Variants in PCLO observed in about 807,000 individuals in gnomAD.
PCLO encodes the protein piccolo presynaptic cytomatrix protein.
Under a neutral mutation model 427.5 loss-of-function variants are expected in PCLO, and 82 were observed. The ratio of observed to expected loss-of-function variants is 0.19; its 90% confidence interval spans 0.16 to 0.23. The LOEUF (loss-of-function observed/expected upper bound fraction) is 0.23. Among genes scored for constraint, PCLO ranks in the 10% least tolerant of loss-of-function variants. The probability of loss-of-function intolerance (pLI) is 1.00; values close to 1 mark genes in which losing one functional copy is unlikely to be tolerated. For missense variants in PCLO, 6,239 were observed against 6,115.9 expected (o/e 1.02, Z -0.67); for synonymous variants, 2,357 against 2,155.4 (o/e 1.09, Z -2.59).
At chr7:83,093,492 A>ATATATATATATATT in intron 3 of PCLO, among the ~76,000 whole-genome samples, 1 of 59,342 alleles carries the variant, frequency 1.7e-5, no homozygotes, top group Admixed American at 2.9e-4. Context: ...ATATATATAT[A>ATATATATATATATT]TTTTTTTTTT....
intron 22 of PCLO, among the ~76,000 whole-genome samples, chr7:82,794,459 CTTTTTTTTTTTTTTTT>C (rs778108792): frequency 8.9e-5 from 5 of 56,370 alleles, no homozygotes; most frequent in African/African-American, 1.8e-4. Flanking sequence ...AATTTTTTTT[CTTTTTTTTTTTTTTTT>C]TTTTTTTTTT....
chr7:83,094,704 G>A (rs1168383336), intron 3 of PCLO, among the ~76,000 whole-genome samples: 1 of 152,130 alleles, frequency 6.6e-6, no homozygotes, highest in East Asian at 1.9e-4. Context: ...AATGTTTGTG[G>A]ACAAGTGGTT....
intron 3 of PCLO, among the ~76,000 whole-genome samples, chr7:83,073,078 G>A (rs1789859831): frequency 6.6e-6 from 1 of 151,752 alleles, no homozygotes; most frequent in East Asian, 1.9e-4. Flanking sequence ...TTGGACAATT[G>A]TTAAGGTTCC....
chr7:83,000,059 A>G (rs1787778559), intron 3 of PCLO, among the ~76,000 whole-genome samples: 1 of 149,680 alleles, frequency 6.7e-6, no homozygotes, highest in South Asian at 2.1e-4. Context: ...AAACAAACAA[A>G]AAAAAAACCA....
chr7:83,097,032 AT>A (rs1562962524), intron 3 of PCLO, among the ~76,000 whole-genome samples: 5 of 26,940 alleles, frequency 1.9e-4, no homozygotes, highest in Admixed American at 9.0e-4. Flanking sequence ...TTATATAAAT[AT>A]ATATTATATA....
intron 3 of PCLO, among the ~76,000 whole-genome samples, chr7:83,022,562 C>T (rs1381324134): frequency 1.3e-5 from 2 of 151,946 alleles, no homozygotes; most frequent in East Asian, 1.9e-4. Flanking sequence ...CAAATCCTAG[C>T]CGAGATAAAT....
At position 82,966,082 on chromosome 7, in the gene PCLO, G is replaced by C; in HGVS notation, c.3706C>G (p.Leu1236Val). Reference sequence around the variant, plus strand: ...TCAGGGGTTGGCTTTTTTTCTTCTAGGAGTGGCTTTTTTTCTTCAGAACGT... The same window carrying C: ...TCAGGGGTTGGCTTTTTTTCTTCTACGAGTGGCTTTTTTTCTTCAGAACGT... ...KIRSEEKKPL[L>V]EEKKPTPEDK... is the part of the protein sequence containing the mutation. Residue 1236 changes from leucine to valine, a missense_variant, in exon 4 of 25, where the codon CTA (leucine) becomes GTA (valine). By Grantham distance (32) the Leu-to-Val change is conservative. Coordinates refer to ENST00000333891, the MANE Select transcript of PCLO (RefSeq NM_033026.6). 1 of 1,612,080 alleles carries C rather than the reference G, an allele frequency of 6.2e-7. No homozygotes were observed. The highest frequency in any genetic ancestry group is 2.2e-5 in the East Asian group (1 of 44,872).
chr7:82,815,463 A>C (rs932561957), intron 20 of PCLO, among the ~76,000 whole-genome samples: 4 of 152,130 alleles, frequency 2.6e-5, no homozygotes, highest in Non-Finnish European at 4.4e-5. Context: ...AGGTAGTTGT[A>C]AAAATATGTT....
intron 9 of PCLO, chr7:82,880,498 C>A (rs1793480375): frequency 7.2e-6 from 2 of 279,698 alleles, no homozygotes; most frequent in South Asian, 3.1e-5. Flanking sequence ...CCTGCCTCGG[C>A]CTCTCACAGT....
intron 3 of PCLO, among the ~76,000 whole-genome samples, chr7:83,017,610 C>T (rs1352135287): frequency 1.3e-5 from 2 of 151,780 alleles, no homozygotes; most frequent in Non-Finnish European, 1.5e-5. Context: ...TTTTAGCATC[C>T]TTTTCCTAAT....
intron 3 of PCLO, among the ~76,000 whole-genome samples, chr7:83,119,159 T>G (rs1398016382): frequency 2.0e-5 from 3 of 152,066 alleles, no homozygotes; most frequent in Non-Finnish European, 2.9e-5. Context: ...TCCTAAGCCT[T>G]GAATAAACGT....
intron 16 of PCLO, among the ~76,000 whole-genome samples, chr7:82,833,464 G>A (rs1792147602): frequency 6.6e-6 from 1 of 152,014 alleles, no homozygotes. Context: ...TATCTTGCCT[G>A]ACATTTTGCC....
Position 83,162,808 on chromosome 7 carries a change from G to C in PCLO, c.-216C>G, listed in dbSNP as rs927991042. Reference sequence around the variant, plus strand: ...CGCTGCCGGTGCCTCCTCCATGTTGGACAGCGCCAGGCAACCTTTGCAGAA... The same window carrying C: ...CGCTGCCGGTGCCTCCTCCATGTTGCACAGCGCCAGGCAACCTTTGCAGAA... On this transcript the variant is annotated 5_prime_UTR_variant, in exon 1 of 25. Coordinates refer to ENST00000333891, the MANE Select transcript of PCLO (RefSeq NM_033026.6). 6.1e-5 allele frequency: 37 copies of C among 608,002 alleles called. No homozygotes were observed. The highest frequency in any genetic ancestry group is 8.6e-5 in the Non-Finnish European group (31 of 359,426). 37.7% of individuals were successfully genotyped at this position (608,002 alleles called of 1,614,324 possible).
rs749339467 is a variant in PCLO, at chr7:82,944,390, A to G, written c.11112+5086T>C. On this transcript the variant is annotated intron_variant, in intron 6 of 24. Coordinates refer to ENST00000333891, the MANE Select transcript of PCLO (RefSeq NM_033026.6). ...TCAGGTATCTTTCTGGACACTGGGT[A>G]TACAGCAGTAAAGATATTAAACAAA... 3.9e-4 allele frequency among the ~76,000 whole-genome samples: 60 copies of G among 152,198 alleles called. 1 individual carries two copies. Among genetic ancestry groups the G allele is most frequent in the South Asian group, 1.9e-3 (9 of 4,830 alleles).
Position 82,955,168 on chromosome 7 carries a change from T to C in PCLO, c.5785A>G (p.Lys1929Glu), listed in dbSNP as rs2888020. The C allele has an allele frequency of 2.0e-5, 32 of 1,613,738 alleles. No individual in the cohort carries two copies. In the East Asian group the frequency reaches 7.1e-4, roughly 36 times the overall value. The change falls in exon 5 of 25, where the codon AAA becomes GAA. Residue 1929 changes from lysine to glutamate, a missense_variant. By Grantham distance (56) the Lys-to-Glu change is moderately conservative. Coordinates refer to ENST00000333891, the MANE Select transcript of PCLO (RefSeq NM_033026.6). ...EEMMHKTHKYKAFPAANERDE... is the reference protein window; with the variant it reads ...EEMMHKTHKYEAFPAANERDE... Reference sequence around the variant, plus strand: ...CGTTCATTTGCAGCTGGAAAAGCTTTGTATTTGTGTGTTTTATGCATCATT... The same window carrying C: ...CGTTCATTTGCAGCTGGAAAAGCTTCGTATTTGTGTGTTTTATGCATCATT...
chr7:82,997,716 G>T (rs946296529), intron 3 of PCLO, among the ~76,000 whole-genome samples: 2 of 151,988 alleles, frequency 1.3e-5, no homozygotes, highest in African/African-American at 4.8e-5. Context: ...GGAAGAATGA[G>T]TTAAGAACCT....
At chr7:82,792,472 A>G (rs1466361950) in intron 22 of PCLO, among the ~76,000 whole-genome samples, 1 of 151,682 alleles carries the variant, frequency 6.6e-6, no homozygotes. Flanking sequence ...GACCACAGGC[A>G]TGGCGCCACC....
chr7:83,086,818 C>T (rs996062490), intron 3 of PCLO, among the ~76,000 whole-genome samples: 2 of 151,754 alleles, frequency 1.3e-5, no homozygotes, highest in African/African-American at 4.8e-5. Flanking sequence ...TATAAATGCC[C>T]AACAGATACA....
At chr7:83,111,484 A>T (rs1416823375) in intron 3 of PCLO, among the ~76,000 whole-genome samples, 1 of 152,258 alleles carries the variant, frequency 6.6e-6, no homozygotes, top group Admixed American at 6.5e-5. Context: ...AAAGGATCTT[A>T]TGTGACAGAA....
Sources: gnomAD v4.1 joint callset for allele counts (sites outside exome capture counted in the v4.1 genomes callset) on GRCh38, gnomAD v4.1.1 for gene constraint, MANE v1.5 for transcripts, NCBI Gene and HGNC (gene_info 2026-07-23, HGNC 2026-07-21) for gene names.